Variants in HIVEP3 observed in about 807,000 individuals in gnomAD.
HIVEP3 encodes the protein transcription factor HIVEP3.
Under a neutral mutation model 152.8 loss-of-function variants are expected in HIVEP3, and 49 were observed. The observed-to-expected ratio is 0.32, with a 90% confidence interval of 0.26 to 0.41. The LOEUF is 0.41. Ranked by LOEUF, HIVEP3 falls within the 10% of genes least tolerant of loss-of-function variation. The pLI is 1.00. For missense variants in HIVEP3, 2,790 were observed against 3,103.3 expected (o/e 0.90, Z 2.40); for synonymous variants, 1,269 against 1,289.0 (o/e 0.98, Z 0.33).
intron 1 of HIVEP3, among the ~76,000 whole-genome samples, chr1:41,701,442 A>C (rs1646360327): frequency 6.6e-6 from 1 of 152,212 alleles, no homozygotes; most frequent in Non-Finnish European, 1.5e-5. Context: ...CATAGAGATG[A>C]AGTCTCTGAG....
At chr1:41,685,687 CAG>C (rs1012930389) in intron 2 of HIVEP3, among the ~76,000 whole-genome samples, 2 of 152,244 alleles carry the variant, frequency 1.3e-5, no homozygotes, top group Non-Finnish European at 2.9e-5. Flanking sequence ...CTTTTTGGAA[CAG>C]AGTCAGGGTT....
intron 1 of HIVEP3, among the ~76,000 whole-genome samples, chr1:41,867,915 G>T (rs965589037): frequency 6.6e-6 from 1 of 151,148 alleles, no homozygotes; most frequent in African/African-American, 2.4e-5. Context: ...TCCCTGCTTC[G>T]ATCTCTGCCC....
chr1:41,518,634 G>A, intron 6 of HIVEP3, 146 bp from the exon 7 acceptor site: 1 of 744,916 alleles, frequency 1.3e-6, no homozygotes, highest in Non-Finnish European at 2.3e-6. Flanking sequence ...GGCAGGAGCT[G>A]GGGTATCCCT....
At chr1:41,787,674 C>A (rs368871891) in intron 1 of HIVEP3, among the ~76,000 whole-genome samples, 8 of 151,610 alleles carry the variant, frequency 5.3e-5, no homozygotes, top group African/African-American at 1.7e-4. Flanking sequence ...GTGTGCAGCA[C>A]CATGCCCAGC....
chr1:41,739,654 C>T (rs1646968784), intron 1 of HIVEP3, among the ~76,000 whole-genome samples: 2 of 152,242 alleles, frequency 1.3e-5, no homozygotes, highest in Non-Finnish European at 2.9e-5. Flanking sequence ...ACTGTACCCA[C>T]CCACCTAACA....
intron 5 of HIVEP3, among the ~76,000 whole-genome samples, chr1:41,547,870 G>T (rs12119480): frequency 6.6e-6 from 1 of 151,996 alleles, no homozygotes; most frequent in Non-Finnish European, 1.5e-5. Context: ...CCTGACCATG[G>T]GCTCCCAGGC....
At chr1:41,679,510 G>C (rs1045127426) in intron 2 of HIVEP3, among the ~76,000 whole-genome samples, 2 of 152,204 alleles carry the variant, frequency 1.3e-5, no homozygotes, top group Non-Finnish European at 2.9e-5. Flanking sequence ...CTCACTCAGT[G>C]GTCCAGAGAC....
intron 2 of HIVEP3, among the ~76,000 whole-genome samples, chr1:41,638,339 A>AAGGAAG (rs1394033201): frequency 8.2e-5 from 3 of 36,660 alleles, no homozygotes; most frequent in Non-Finnish European, 7.4e-5. Flanking sequence ...AGAAAGGGAG[A>AAGGAAG]GAGAGAGAAA....
chr1:41,729,110 T>C (rs1223736633), intron 1 of HIVEP3, among the ~76,000 whole-genome samples: 1 of 152,182 alleles, frequency 6.6e-6, no homozygotes, highest in Admixed American at 6.5e-5. Context: ...GAAATCAGAC[T>C]ACTGTCTCCG....
intron 2 of HIVEP3, among the ~76,000 whole-genome samples, chr1:41,665,226 C>T (rs1054002931): frequency 2.8e-4 from 42 of 152,190 alleles, no homozygotes; most frequent in African/African-American, 9.4e-4. Flanking sequence ...AGCCTGACCT[C>T]GACTCTACTC....
intron 1 of HIVEP3, among the ~76,000 whole-genome samples, chr1:41,731,333 C>T (rs910784069): frequency 2.6e-5 from 4 of 152,136 alleles, no homozygotes; most frequent in Admixed American, 6.5e-5. Context: ...CACCCCAGGG[C>T]CCCAGTAAGC....
At chr1:41,640,682 G>A (rs1645359133) in intron 2 of HIVEP3, among the ~76,000 whole-genome samples, 1 of 152,202 alleles carries the variant, frequency 6.6e-6, no homozygotes. Context: ...ATCTCCCCGG[G>A]TTGTAGACAC....
chr1:41,762,968 G>T (rs927014699), intron 1 of HIVEP3, among the ~76,000 whole-genome samples: 1 of 152,256 alleles, frequency 6.6e-6, no homozygotes, highest in Non-Finnish European at 1.5e-5. Flanking sequence ...TGTGCAGCCA[G>T]GTCTGGGCAG....
intron 1 of HIVEP3, among the ~76,000 whole-genome samples, chr1:42,028,305 T>TTA (rs1486295545): frequency 1.3e-5 from 2 of 152,182 alleles, no homozygotes. Context: ...GTGCCTGGCA[T>TTA]TATAGTAAGT....
chr1:41,881,769 TA>T (rs1443660333), intron 1 of HIVEP3, among the ~76,000 whole-genome samples: 2 of 152,212 alleles, frequency 1.3e-5, no homozygotes, highest in African/African-American at 4.8e-5. Flanking sequence ...TATTAAACAT[TA>T]AAATCTTTTT....
intron 1 of HIVEP3, among the ~76,000 whole-genome samples, chr1:41,999,990 C>T (rs1215424893): frequency 6.6e-6 from 1 of 151,868 alleles, no homozygotes; most frequent in Non-Finnish European, 1.5e-5. Context: ...ATCTTTTAAT[C>T]ACAGTTGACA....
intron 6 of HIVEP3, among the ~76,000 whole-genome samples, chr1:41,522,798 C>T (rs560494760): frequency 2.6e-5 from 4 of 152,178 alleles, no homozygotes; most frequent in Admixed American, 2.0e-4. Context: ...CTTCCAGTCT[C>T]ACGCGGCAGA....
intron 1 of HIVEP3, among the ~76,000 whole-genome samples, chr1:41,932,203 C>T (rs1335910415): frequency 6.6e-6 from 1 of 151,670 alleles, no homozygotes; most frequent in African/African-American, 2.4e-5. Flanking sequence ...AAATAATCAT[C>T]GTTTTTCTTT....
intron 2 of HIVEP3, among the ~76,000 whole-genome samples, chr1:41,642,416 G>A (rs1645388078): frequency 6.6e-6 from 1 of 152,126 alleles, no homozygotes; most frequent in South Asian, 2.1e-4. Context: ...ATTTTAACGT[G>A]GCTAAATCCA....
Sources: allele counts gnomAD v4.1 joint callset (sites outside exome capture counted in the v4.1 genomes callset), GRCh38; gene constraint gnomAD v4.1.1; transcripts MANE v1.5; gene names NCBI Gene and HGNC (gene_info 2026-07-23, HGNC 2026-07-21).